The following RBMS3 variants were observed in gnomAD, a reference collection of about 807,000 sequenced individuals.
RBMS3 encodes RNA-binding motif, single-stranded-interacting protein 3.
In RBMS3, 27 loss-of-function variants were observed where a neutral mutation model predicts 66.8. That is an observed-to-expected ratio of 0.40 (90% CI 0.30 to 0.56). RBMS3 has a LOEUF of 0.56. Among genes scored for constraint, RBMS3 ranks in the 20% least tolerant of loss-of-function variants. RBMS3 has a pLI of 0.40. For missense variants in RBMS3, 513 were observed against 549.5 expected (o/e 0.93, Z 0.66); for synonymous variants, 188 against 183.0 (o/e 1.03, Z -0.22).
At chr3:29,558,281 A>C (rs776221291) in intron 3 of RBMS3, among the ~76,000 whole-genome samples, 1 of 152,140 alleles carries the variant, frequency 6.6e-6, no homozygotes, top group Non-Finnish European at 1.5e-5. Flanking sequence ...ACTGGAACAG[A>C]AGTAGTAATT....
At chr3:29,657,980 C>T (rs1311324467) in intron 4 of RBMS3, among the ~76,000 whole-genome samples, 1 of 152,106 alleles carries the variant, frequency 6.6e-6, no homozygotes. Flanking sequence ...ACAAAAATAT[C>T]CCCCAACGAT....
intron 4 of RBMS3, chr3:29,614,422 A>T (rs2048591392): frequency 6.6e-6 from 1 of 152,208 alleles, no homozygotes; most frequent in Admixed American, 6.5e-5. Flanking sequence ...TGTTAATAAC[A>T]ATTTATTATA....
chr3:29,763,157 T>A (rs2055771096), intron 6 of RBMS3, among the ~76,000 whole-genome samples, 168 bp downstream of exon 6: 1 of 152,090 alleles, frequency 6.6e-6, no homozygotes. Flanking sequence ...TCTCAAAAGC[T>A]TTTTGGTAAT....
chr3:29,294,914 T>G (rs1363927386), intron 1 of RBMS3, among the ~76,000 whole-genome samples: 4 of 151,734 alleles, frequency 2.6e-5, no homozygotes, highest in African/African-American at 4.8e-5. Flanking sequence ...CAGATGGGTT[T>G]TTTAACTCAG....
intron 1 of RBMS3, among the ~76,000 whole-genome samples, chr3:29,325,786 A>G (rs1175154675): frequency 6.6e-6 from 1 of 152,030 alleles, no homozygotes; most frequent in Non-Finnish European, 1.5e-5. Flanking sequence ...TTACTAAAAA[A>G]CCATTTCAAA....
At chr3:29,344,402 G>A (rs542570358) in intron 1 of RBMS3, among the ~76,000 whole-genome samples, 9 of 152,214 alleles carry the variant, frequency 5.9e-5, no homozygotes, top group East Asian at 3.9e-4. Flanking sequence ...TCCAAAAAAC[G>A]TAGTATTTCT....
chr3:29,431,301 C>CTTTTTTTTT (rs548031550), intron 1 of RBMS3, among the ~76,000 whole-genome samples: 17 of 132,392 alleles, frequency 1.3e-4, no homozygotes, highest in African/African-American at 4.0e-4. Context: ...TTTTCCTTTT[C>CTTTTTTTTT]TTTTTTTTTT....
At chr3:29,316,588 T>A (rs577816043) in intron 1 of RBMS3, among the ~76,000 whole-genome samples, 1 of 151,794 alleles carries the variant, frequency 6.6e-6, no homozygotes, top group African/African-American at 2.4e-5. Flanking sequence ...GCAAGCTTAG[T>A]GATACCTAAA....
chr3:29,301,241 C>T (rs2033651874), intron 1 of RBMS3, among the ~76,000 whole-genome samples: 1 of 151,940 alleles, frequency 6.6e-6, no homozygotes, highest in Admixed American at 6.6e-5. Flanking sequence ...GTGAGGATAT[C>T]AAGCTACAAT....
intron 3 of RBMS3, among the ~76,000 whole-genome samples, chr3:29,584,649 A>G (rs1020286724): frequency 1.3e-5 from 2 of 152,090 alleles, no homozygotes; most frequent in African/African-American, 4.8e-5. Context: ...TATGGCAAAA[A>G]CAAAACCAAC....
intron 3 of RBMS3, among the ~76,000 whole-genome samples, chr3:29,558,356 A>T (rs772896594): frequency 2.0e-5 from 3 of 152,158 alleles, no homozygotes; most frequent in Admixed American, 1.3e-4. Context: ...TGGGGGAACT[A>T]GCAATGCAGA....
At chr3:29,502,189 A>C (rs577360423) in intron 3 of RBMS3, among the ~76,000 whole-genome samples, 1 of 152,212 alleles carries the variant, frequency 6.6e-6, no homozygotes, top group South Asian at 2.1e-4. Flanking sequence ...AGACATGTGC[A>C]TCTTCAACTT....
chr3:29,559,886 C>T (rs2046490316), intron 3 of RBMS3, among the ~76,000 whole-genome samples: 2 of 152,134 alleles, frequency 1.3e-5, no homozygotes, highest in Non-Finnish European at 2.9e-5. Context: ...TTTACTTATG[C>T]TTCTCATTTC....
chr3:29,439,875 G>A (rs1231323431), intron 2 of RBMS3, among the ~76,000 whole-genome samples: 1 of 152,134 alleles, frequency 6.6e-6, no homozygotes, highest in African/African-American at 2.4e-5. Context: ...TGATTATACA[G>A]ATTTACTCAT....
Position 29,848,083 on chromosome 3 carries a change from A to G in RBMS3, c.638-20775A>G, listed in dbSNP as rs576423736. Among the ~76,000 whole-genome samples, 10 of 152,248 alleles carry G rather than the reference A, an allele frequency of 6.6e-5. No individual in the cohort carries two copies. The South Asian group carries it at 2.1e-3, about 32-fold the overall frequency. ...TCACCTTTTTTCTAGGTATCCCCCT[A>G]AGTCTCTGAATGAAGGAATTGATTG... On this transcript the variant is annotated intron_variant, in intron 6 of 14. Coordinates refer to ENST00000383767, the MANE Select transcript of RBMS3 (RefSeq NM_001003793.3).
chr3:29,734,633 G>T (rs2054298602), intron 4 of RBMS3, among the ~76,000 whole-genome samples: 1 of 152,032 alleles, frequency 6.6e-6, no homozygotes. Flanking sequence ...ATTATGAAAA[G>T]AAATAGTAGG....
chr3:29,434,217 A>G (rs1195778522), intron 1 of RBMS3, among the ~76,000 whole-genome samples: 1 of 152,240 alleles, frequency 6.6e-6, no homozygotes, highest in African/African-American at 2.4e-5. Flanking sequence ...TCATTCATTC[A>G]GTCATTCATA....
At chr3:29,352,531 G>A (rs2036978073) in intron 1 of RBMS3, among the ~76,000 whole-genome samples, 1 of 152,026 alleles carries the variant, frequency 6.6e-6, no homozygotes. Context: ...AGTGTATAAA[G>A]ATCAAATCAA....
intron 6 of RBMS3, among the ~76,000 whole-genome samples, chr3:29,793,100 G>A (rs1324966697): frequency 6.6e-6 from 1 of 151,946 alleles, no homozygotes; most frequent in South Asian, 2.1e-4. Context: ...TTAGCTGGGT[G>A]TGCACCTATA....
Sources: gnomAD v4.1 joint callset for allele counts (sites outside exome capture counted in the v4.1 genomes callset) on GRCh38, gnomAD v4.1.1 for gene constraint, MANE v1.5 for transcripts, NCBI Gene and HGNC (gene_info 2026-07-23, HGNC 2026-07-21) for gene names.